PARD3B: variants seen among roughly 807,000 people sequenced by gnomAD.
PARD3B encodes the protein partitioning defective 3 homolog B.
PARD3B carries 103 observed loss-of-function variants against 130.2 expected under a neutral mutation model. The observed-to-expected ratio is 0.79, with a 90% CI of 0.67 to 0.93. The LOEUF is 0.93. PARD3B is among the 40% of genes least tolerant of loss of function. The pLI, the probability that PARD3B is intolerant of heterozygous loss-of-function variation, is 0.00. For missense variants in PARD3B, 1,609 were observed against 1,499.2 expected, an observed-to-expected ratio of 1.07 and a Z score of -1.21; for synonymous variants, 583 against 553.2, an observed-to-expected ratio of 1.05 and a Z score of -0.76.
chr2:204,901,169 G>T (rs545769655), intron 2 of PARD3B, among the ~76,000 whole-genome samples: 1 of 152,136 alleles, frequency 6.6e-6, no homozygotes, highest in Non-Finnish European at 1.5e-5. Flanking sequence ...AGCCAGGCTT[G>T]TGTCCTTCCC....
rs2033365486 is a variant in PARD3B at position 205,146,448 on chromosome 2, G to GA, written c.1435-12273dup. On this transcript the variant is annotated intron_variant, in intron 10 of 22. Coordinates refer to ENST00000406610, the MANE Select transcript of PARD3B (RefSeq NM_001302769.2). The surrounding 1 kb of genome is among the most constrained non-coding windows in gnomAD (Gnocchi z 4.3). ...GCGGATCATGAGGTCAGGAGATCGA[G>GA]ACCATCCTGGCTAACACGGCAAAAC... Among the ~76,000 whole-genome samples the GA allele has an allele frequency of 6.6e-6, 1 of 151,884 alleles. No individual in the cohort carries two copies. The highest frequency in any genetic ancestry group is 2.4e-5 in the African/African-American group (1 of 41,366).
intron 5 of PARD3B, 94 bp downstream of exon 5, chr2:205,104,608 AGG>A: frequency 1.1e-6 from 1 of 869,660 alleles, no homozygotes; most frequent in Non-Finnish European, 1.8e-6. Context: ...AAGAAAGATC[AGG>A]ATAAGTAGAA....
chr2:204,687,579 G>C (rs1279077312), intron 2 of PARD3B, among the ~76,000 whole-genome samples: 1 of 152,092 alleles, frequency 6.6e-6, no homozygotes, highest in Non-Finnish European at 1.5e-5. Context: ...TTCTACACTT[G>C]ACTCTTGCTG....
At chr2:205,102,392 A>T (rs996148963) in intron 4 of PARD3B, among the ~76,000 whole-genome samples, 2 of 151,460 alleles carry the variant, frequency 1.3e-5, no homozygotes, top group Admixed American at 6.6e-5. Context: ...GACATACATG[A>T]TAATCACAGG....
chr2:204,868,950 T>G (rs1035147959), intron 2 of PARD3B, among the ~76,000 whole-genome samples: 3 of 152,166 alleles, frequency 2.0e-5, no homozygotes, highest in African/African-American at 7.2e-5. Context: ...GGTGTTATAC[T>G]TATCCGTCCA....
chr2:205,520,517 G>T (rs1271356354), intron 21 of PARD3B, among the ~76,000 whole-genome samples: 3 of 152,102 alleles, frequency 2.0e-5, no homozygotes, highest in Admixed American at 6.5e-5. Context: ...CGGGCCGGGG[G>T]TGGCTGGAGG....
intron 15 of PARD3B, among the ~76,000 whole-genome samples, chr2:205,223,493 C>G: frequency 6.6e-6 from 1 of 152,204 alleles, no homozygotes; most frequent in East Asian, 1.9e-4. Flanking sequence ...TGACGGCTGA[C>G]TGGCTGTGAC....
intron 18 of PARD3B, among the ~76,000 whole-genome samples, chr2:205,343,447 T>C (rs4505506): frequency 0.59 from 90,511 of 152,146 alleles, 30,612 homozygotes; most frequent in South Asian, 0.77. Context: ...CCTTCAGACA[T>C]GCTTTGCTAT....
chr2:204,642,317 C>A (rs13396368), intron 1 of PARD3B, among the ~76,000 whole-genome samples: 1 of 152,108 alleles, frequency 6.6e-6, no homozygotes, highest in Non-Finnish European at 1.5e-5. Context: ...GCAGAGCAGG[C>A]GACACTGTGC....
rs2043364425 is a variant in PARD3B at position 204,821,715 on chromosome 2, AAAAAAAAAT to A, written c.222+135444_222+135452del. 2.0e-5 allele frequency among the ~76,000 whole-genome samples: 3 copies of A among 151,032 alleles called. No homozygotes were observed. The South Asian group carries it at 6.3e-4, about 32-fold the overall frequency. On this transcript the variant is annotated intron_variant, in intron 2 of 22. Transcript: ENST00000406610. ...TAATAATAATAAAATAAAAAAAATT[AAAAAAAAAT>A]AAAAAAAATAGAAATGGGCATTTCC...
rs1195925992 is a variant in PARD3B, at chr2:205,300,908, A to T, written c.2392+172A>T. ...TGTTTTGCCCTTTGGCTTAATGAAC[A>T]TGGAATTGGAGAACACAATATGCAA... On this transcript the variant is annotated intron_variant, in intron 17 of 22. Coordinates refer to ENST00000406610, the MANE Select transcript of PARD3B (RefSeq NM_001302769.2). This position sits in a 1 kb window ranked among gnomAD's most constrained non-coding sequence, Gnocchi z 4.1. Among the ~76,000 whole-genome samples, 1 of 152,254 alleles carries T rather than the reference A, an allele frequency of 6.6e-6. No individual in the cohort carries two copies. The highest frequency in any genetic ancestry group is 1.5e-5 in the Non-Finnish European group (1 of 68,052).
At chr2:205,587,553 G>A (rs138534710) in intron 22 of PARD3B, among the ~76,000 whole-genome samples, 2 of 152,036 alleles carry the variant, frequency 1.3e-5, no homozygotes, top group African/African-American at 4.8e-5. Flanking sequence ...AAAAGCTTCT[G>A]GTACCTCATT....
intron 1 of PARD3B, among the ~76,000 whole-genome samples, chr2:204,547,827 T>G (rs1191221019): frequency 1.3e-5 from 2 of 152,176 alleles, no homozygotes; most frequent in Non-Finnish European, 2.9e-5. Context: ...TGATATTTAA[T>G]TCACTATAAT....
chr2:205,527,334 A>G (rs1405095147), intron 21 of PARD3B, among the ~76,000 whole-genome samples: 1 of 152,158 alleles, frequency 6.6e-6, no homozygotes, highest in Non-Finnish European at 1.5e-5. Flanking sequence ...AAAAAAATAG[A>G]AAAAGTCATT....
chr2:205,295,012 T>A (rs1449759460), intron 16 of PARD3B, among the ~76,000 whole-genome samples: 1 of 152,176 alleles, frequency 6.6e-6, no homozygotes, highest in Non-Finnish European at 1.5e-5. Flanking sequence ...GAGAATTTTT[T>A]AAAGGCTAAT....
chr2:204,652,729 A>AGTTCTTTCT lies in PARD3B; in HGVS notation c.121-33452_121-33451insGTTCTTTCT, dbSNP rs2035520459. Among the ~76,000 whole-genome samples the AGTTCTTTCT allele has an allele frequency of 2.2e-3, 334 of 151,794 alleles. 3 individuals are homozygous for AGTTCTTTCT. The highest frequency in any genetic ancestry group is 7.5e-3 in the African/African-American group (308 of 41,070). The stretch of plus-strand genomic sequence containing the variant: ...TATAAAGAACTACCTGAGACTGGGT[A>AGTTCTTTCT]ATTTATGAGCAAAAGAGGTTTAATT... On this transcript the variant is annotated intron_variant, in intron 1 of 22. Transcript: ENST00000406610.
At chr2:205,047,284 A>G (rs1217606626) in intron 3 of PARD3B, among the ~76,000 whole-genome samples, 1 of 152,188 alleles carries the variant, frequency 6.6e-6, no homozygotes, top group Non-Finnish European at 1.5e-5. Flanking sequence ...TTTCTAGATC[A>G]GTTTTTAGAT....
At chr2:205,528,580 C>G (rs1325022394) in intron 21 of PARD3B, among the ~76,000 whole-genome samples, 1 of 152,030 alleles carries the variant, frequency 6.6e-6, no homozygotes, top group African/African-American at 2.4e-5. Flanking sequence ...CTACCTCTAC[C>G]TCCCAGGTTC....
At chr2:205,136,126 C>T (rs1478522326) in intron 10 of PARD3B, among the ~76,000 whole-genome samples, 1 of 152,076 alleles carries the variant, frequency 6.6e-6, no homozygotes, top group Non-Finnish European at 1.5e-5. Flanking sequence ...TAATCCTTTG[C>T]ATTTCTTAGA....
Sources: gnomAD v4.1 joint callset for allele counts (sites outside exome capture counted in the v4.1 genomes callset) on GRCh38, gnomAD v4.1.1 for gene constraint, Gnocchi (gnomAD v3.1) non-coding constraint, MANE v1.5 for transcripts, NCBI Gene and HGNC (gene_info 2026-07-23, HGNC 2026-07-21) for gene names.